Variants in TTC13 observed in about 807,000 individuals in gnomAD.
TTC13 encodes the protein tetratricopeptide repeat protein 13.
Under a neutral mutation model 120.0 loss-of-function variants are expected in TTC13, and 62 were observed. That is an observed-to-expected ratio of 0.52 (90% CI 0.42 to 0.64). TTC13 has a LOEUF of 0.64. TTC13 is among the 30% of genes least tolerant of loss of function. The pLI is 0.00. For missense variants in TTC13, 824 were observed against 1,050.2 expected (o/e 0.78, Z 2.98); for synonymous variants, 384 against 393.5 (o/e 0.98, Z 0.28).
At chr1:230,920,887 G>T (rs886530939) in intron 16 of TTC13, among the ~76,000 whole-genome samples, 13 of 152,162 alleles carry the variant, frequency 8.5e-5, no homozygotes, top group African/African-American at 3.1e-4. Flanking sequence ...GAACATGTAT[G>T]GTTATGAGTT....
chr1:230,915,797 C>CTCTCTA (rs1553279450), intron 18 of TTC13, among the ~76,000 whole-genome samples: 1 of 149,178 alleles, frequency 6.7e-6, no homozygotes, highest in Non-Finnish European at 1.5e-5. Context: ...CTCTCTCTCT[C>CTCTCTA]TATATATATA....
chr1:230,914,927 C>T (rs567203316), intron 18 of TTC13, among the ~76,000 whole-genome samples: 21 of 152,074 alleles, frequency 1.4e-4, no homozygotes, highest in African/African-American at 4.8e-4. Context: ...ATCAACTGTA[C>T]TTATATAGTA....
intron 2 of TTC13, among the ~76,000 whole-genome samples, chr1:230,959,937 C>G (rs1213777341): frequency 6.6e-6 from 1 of 152,204 alleles, no homozygotes; most frequent in Admixed American, 6.5e-5. Flanking sequence ...ATGATGTGTA[C>G]AATCACACTT....
chr1:230,974,441 C>T (rs1678063044), intron 1 of TTC13, among the ~76,000 whole-genome samples: 1 of 152,180 alleles, frequency 6.6e-6, no homozygotes, highest in South Asian at 2.1e-4. Flanking sequence ...TTTCACTGTA[C>T]ATTTTCTGTA....
chr1:230,912,491 A>C, intron 19 of TTC13, 132 bp downstream of exon 19: 1 of 1,033,802 alleles, frequency 9.7e-7, no homozygotes, highest in Non-Finnish European at 1.4e-6. Context: ...ATAAGAAATA[A>C]GAAATATTTT....
rs111729455 is a variant in TTC13, at chr1:230,947,561, T to TA, written c.514-2108dup. On this transcript the variant is annotated intron_variant, in intron 4 of 22. Coordinates refer to ENST00000366661, the MANE Select transcript of TTC13 (RefSeq NM_024525.5). ...GTAACACTAATGATAACTAATGAGC[T>TA]AAAAAAAAAAAAATATCATAATGTT... 5.1e-3 allele frequency among the ~76,000 whole-genome samples: 731 copies of TA among 143,172 alleles called. 9 individuals carry two copies. The highest frequency in any genetic ancestry group is 0.016 in the African/African-American group (608 of 38,980). 93.9% of individuals were successfully genotyped at this position (143,172 alleles called of 152,430 possible).
At chr1:230,932,338 C>A (rs1264621892) in intron 9 of TTC13, among the ~76,000 whole-genome samples, 2 of 148,624 alleles carry the variant, frequency 1.3e-5, no homozygotes, top group Non-Finnish European at 3.0e-5. Context: ...TGCTTAAAAT[C>A]TAGTAAATCA....
intron 17 of TTC13, among the ~76,000 whole-genome samples, chr1:230,917,335 A>G (rs961451760): frequency 6.6e-6 from 1 of 152,236 alleles, no homozygotes; most frequent in Non-Finnish European, 1.5e-5. Context: ...GCTGAGTCCC[A>G]GCCAGCAGGG....
At chr1:230,932,237 A>G (rs766585314) in intron 9 of TTC13, among the ~76,000 whole-genome samples, 1 of 152,076 alleles carries the variant, frequency 6.6e-6, no homozygotes, top group Non-Finnish European at 1.5e-5. Context: ...AAAAAAATAT[A>G]CCAATTATAA....
intron 4 of TTC13, among the ~76,000 whole-genome samples, chr1:230,953,310 A>G (rs1038825478): frequency 6.6e-6 from 1 of 152,210 alleles, no homozygotes; most frequent in Admixed American, 6.5e-5. Flanking sequence ...AATTAACCTT[A>G]TTTTTAAAGA....
rs1011403268 is a variant in TTC13, at chr1:230,908,689, G to A, written c.2468+23C>T. ...CCTCCTCCAGTTATGATACCCTTGT[G>A]TGGACCCCCCTCAAGTAGTTACCTT... On this transcript the variant is annotated intron_variant, in intron 22 of 22. Coordinates refer to ENST00000366661, the MANE Select transcript of TTC13 (RefSeq NM_024525.5). 5 of 1,605,364 alleles carry A rather than the reference G, an allele frequency of 3.1e-6. No individual in the cohort carries two copies. In the East Asian group the frequency reaches 8.9e-5, roughly 29 times the overall value.
rs566381930 is a variant in TTC13, at chr1:230,919,541, T to A, written c.1983+969A>T. ...AGGGGAACACATTCAAACGATGGCA[T>A]TTACTTCTCTAGTAATTAAAGAGTA... is the stretch of plus-strand genomic sequence containing the variant. On this transcript the variant is annotated intron_variant, in intron 17 of 22. Coordinates refer to ENST00000366661, the MANE Select transcript of TTC13 (RefSeq NM_024525.5). 9.2e-5 allele frequency among the ~76,000 whole-genome samples: 14 copies of A among 152,328 alleles called. No individual in the cohort carries two copies. The East Asian group carries it at 2.7e-3, about 29-fold the overall frequency.
At chr1:230,939,641 T>C in intron 7 of TTC13, 145 bp from the exon 8 acceptor site, 1 of 532,854 alleles carries the variant, frequency 1.9e-6, no homozygotes, top group Non-Finnish European at 3.4e-6. Context: ...TGACACTATA[T>C]ATTGGTTAAG....
At position 230,931,435 on chromosome 1, in the gene TTC13, T is replaced by C. The variant is rs1428225545; in HGVS notation, c.1163A>G (p.Gln388Arg). 9 of 1,614,128 alleles carry C rather than the reference T, an allele frequency of 5.6e-6. No individual in the cohort carries two copies. Among genetic ancestry groups the C allele is most frequent in the Non-Finnish European group, 8.5e-7 (1 of 1,180,058 alleles). Residue 388 changes from glutamine to arginine, a missense_variant, in exon 11 of 23, where the codon CAG becomes CGG. Coordinates refer to ENST00000366661, the MANE Select transcript of TTC13 (RefSeq NM_024525.5). The part of the protein sequence containing the change: ...LQLEPYNEVC[Q>R]YMKGLSHVAM... ...AACATGGCTGAGCCCTTTCATATAC[T>C]GGCACACTTCATTATATGGCTCTAG...
chr1:230,929,900 A>C (rs1210098522), intron 11 of TTC13, among the ~76,000 whole-genome samples: 1 of 152,242 alleles, frequency 6.6e-6, no homozygotes, highest in East Asian at 1.9e-4. Context: ...ATTGTAATTC[A>C]GGTAGAAGAA....
chr1:230,908,543 C>T, intron 22 of TTC13, 169 bp downstream of exon 22: 1 of 636,834 alleles, frequency 1.6e-6, no homozygotes, highest in Non-Finnish European at 2.7e-6. Flanking sequence ...TCTTATACAA[C>T]AGCAAAACAT....
intron 1 of TTC13, among the ~76,000 whole-genome samples, chr1:230,969,092 C>T (rs1331614487): frequency 1.3e-5 from 2 of 152,010 alleles, no homozygotes; most frequent in African/African-American, 4.8e-5. Context: ...GAAACCCCGT[C>T]TCTACTAAAA....
At chr1:230,908,576 A>G in intron 22 of TTC13, 136 bp downstream of exon 22, 1 of 691,166 alleles carries the variant, frequency 1.4e-6, no homozygotes, top group Non-Finnish European at 2.4e-6. Context: ...AAAGTGAATT[A>G]AATTCATTGT....
At chr1:230,922,527 T>G (rs1401254571) in intron 15 of TTC13, among the ~76,000 whole-genome samples, 1 of 152,196 alleles carries the variant, frequency 6.6e-6, no homozygotes, top group Non-Finnish European at 1.5e-5. Context: ...GACTATAAAA[T>G]GATTTATGTT....
Sources: gnomAD v4.1 joint callset for allele counts (sites outside exome capture counted in the v4.1 genomes callset) on GRCh38, gnomAD v4.1.1 for gene constraint, MANE v1.5 for transcripts, NCBI Gene and HGNC (gene_info 2026-07-23, HGNC 2026-07-21) for gene names.